VPS33A: variants seen among roughly 807,000 people sequenced by gnomAD.
VPS33A encodes the protein VPS33A core subunit of CORVET and HOPS complexes, also known as vacuolar protein sorting-associated protein 33A.
VPS33A carries 32 observed loss-of-function variants against 71.8 expected under a neutral mutation model. The ratio of observed to expected loss-of-function variants is 0.45; its 90% CI spans 0.34 to 0.60. VPS33A has a LOEUF of 0.60. Ranked by LOEUF, VPS33A falls within the 20% of genes least tolerant of loss-of-function variation. The probability of loss-of-function intolerance (pLI) is 0.02; values close to 1 mark genes in which losing one functional copy is unlikely to be tolerated. For missense variants in VPS33A, 625 were observed against 748.5 expected (o/e 0.84, Z 1.92); for synonymous variants, 311 against 292.7 (o/e 1.06, Z -0.64).
At position 122,231,915 on chromosome 12, in the gene VPS33A, G is replaced by C; in HGVS notation, c.*331C>G. 1 of 386,380 alleles carries C rather than the reference G, an allele frequency of 2.6e-6. No individual in the cohort carries two copies. 23.9% of individuals were successfully genotyped at this position (386,380 alleles called of 1,614,324 possible). A position where few individuals can be genotyped will look rare whatever the true frequency, so the allele number is the denominator to read the frequency against. On this transcript the variant is annotated 3_prime_UTR_variant, in exon 13 of 13. Transcript: ENST00000267199. ...CTACTAAAAATACAAAAATTAGCCG[G>C]GTGTGGTGGTGCATGCCTGTAGTCC... is the stretch of plus-strand genomic sequence containing the variant.
intron 5 of VPS33A, 98 bp from the exon 6 acceptor site, chr12:122,250,143 GA>G: frequency 1.6e-6 from 2 of 1,286,422 alleles, no homozygotes; most frequent in African/African-American, 1.5e-5. Context: ...AGTAAAAAAG[GA>G]GAAAAACTGG....
At chr12:122,238,838 T>C in intron 9 of VPS33A, 114 bp from the exon 10 acceptor site, 1 of 1,156,114 alleles carries the variant, frequency 8.6e-7, no homozygotes, top group Non-Finnish European at 1.2e-6. Flanking sequence ...ACTTGATGTT[T>C]ATTATTATTT....
At chr12:122,241,192 G>A (rs1009127935) in intron 8 of VPS33A, 1 of 151,090 alleles carries the variant, frequency 6.6e-6, no homozygotes, top group Admixed American at 6.6e-5. Context: ...CTCAGATTAT[G>A]ATGGCAAACT....
At chr12:122,262,126 G>C (rs749139303) in intron 3 of VPS33A, among the ~76,000 whole-genome samples, 4 of 152,186 alleles carry the variant, frequency 2.6e-5, no homozygotes, top group Non-Finnish European at 4.4e-5. Flanking sequence ...TGGAGGCAGA[G>C]GTTGCAGTGA....
chr12:122,235,330 T>C (rs1954615525), intron 11 of VPS33A, among the ~76,000 whole-genome samples: 2 of 150,384 alleles, frequency 1.3e-5, no homozygotes, highest in Admixed American at 1.3e-4. Flanking sequence ...AATGGCATGA[T>C]CTGAGCTCAC....
chr12:122,243,914 G>A (rs1443196841), intron 7 of VPS33A, among the ~76,000 whole-genome samples: 1 of 151,834 alleles, frequency 6.6e-6, no homozygotes, highest in Non-Finnish European at 1.5e-5. Flanking sequence ...GCGAGACCCT[G>A]TCAAAAAAAA....
At position 122,251,009 on chromosome 12, in the gene VPS33A, T is replaced by C. The variant is rs1003228961; in HGVS notation, c.574A>G (p.Ile192Val). The C allele has an allele frequency of 6.2e-7, 1 of 1,614,076 alleles. No individual in the cohort carries two copies. Among genetic ancestry groups the C allele is most frequent in the Non-Finnish European group, 8.5e-7 (1 of 1,179,952 alleles). Residue 192 changes from isoleucine (I) to valine (V), a missense_variant, in exon 5 of 13, where the codon ATC (isoleucine) becomes GTC (valine). Coordinates refer to ENST00000267199, the MANE Select transcript of VPS33A (RefSeq NM_022916.6). ...LQALYGTIPQ[I>V]FGKGECARQV... ...CGAGCGCATTCTCCTTTCCCAAAGATCTGGGGGATCGTTCCATACAGAGCT... is the reference window on the plus strand; with the variant it reads ...CGAGCGCATTCTCCTTTCCCAAAGACCTGGGGGATCGTTCCATACAGAGCT...
intron 4 of VPS33A, among the ~76,000 whole-genome samples, chr12:122,257,641 C>T (rs1178738359): frequency 4.0e-5 from 6 of 151,758 alleles, no homozygotes; most frequent in Non-Finnish European, 1.5e-5. Context: ...CCAGTGCACT[C>T]CAGCCTGGGT....
At chr12:122,265,859 A>G (rs926737098) in intron 1 of VPS33A, 15 of 370,604 alleles carry the variant, frequency 4.0e-5, no homozygotes, top group South Asian at 2.4e-4. Flanking sequence ...TAAAAGCCCA[A>G]ATGATTACAA....
chr12:122,243,601 T>G (rs1954741906), intron 7 of VPS33A, among the ~76,000 whole-genome samples: 1 of 152,208 alleles, frequency 6.6e-6, no homozygotes, highest in Admixed American at 6.5e-5. Context: ...TGATAATATT[T>G]TTTGGCAAAA....
chr12:122,241,988 AC>A (rs1292561320), intron 8 of VPS33A, among the ~76,000 whole-genome samples: 14 of 151,860 alleles, frequency 9.2e-5, no homozygotes, highest in African/African-American at 3.4e-4. Context: ...GCTCACTGCA[AC>A]CTCCGCCTTC....
chr12:122,240,668 A>G (rs1403134393), intron 8 of VPS33A, among the ~76,000 whole-genome samples: 2 of 152,234 alleles, frequency 1.3e-5, no homozygotes, highest in Admixed American at 1.3e-4. Flanking sequence ...ATACTTCATA[A>G]AACAATCTCC....
In VPS33A at chr12:122,232,242, C is replaced by T. The variant is rs1055115830; in HGVS notation, c.*4G>A. On this transcript the variant is annotated 3_prime_UTR_variant, in exon 13 of 13. Coordinates refer to ENST00000267199, the MANE Select transcript of VPS33A (RefSeq NM_022916.6). ...GTACACTTGTTAAGTCTCCTCTGAA[C>T]ATCCTAGAAAGGTTTTTCCATCAGA... The T allele has an allele frequency of 5.6e-6, 9 of 1,608,092 alleles. No homozygotes were observed. The Admixed American group carries it at 6.8e-5, about 12-fold the overall frequency.
chr12:122,233,944 C>T (rs1056128811), intron 11 of VPS33A, among the ~76,000 whole-genome samples: 6 of 151,930 alleles, frequency 3.9e-5, no homozygotes, highest in East Asian at 1.9e-4. Flanking sequence ...ATTTTCCCAC[C>T]GGGAAAAAAT....
chr12:122,242,823 G>C (rs1954733134), intron 7 of VPS33A, among the ~76,000 whole-genome samples: 2 of 152,184 alleles, frequency 1.3e-5, no homozygotes, highest in South Asian at 2.1e-4. Flanking sequence ...CAAAGTGTTA[G>C]GATTACAGGC....
Position 122,244,579 on chromosome 12 carries a change from G to A in VPS33A, c.959C>T (p.Ala320Val). The change falls in exon 7 of 13, where the codon GCA (alanine) becomes GTA (valine). Residue 320 changes from alanine (A) to valine (V), a missense_variant. Ala to Val is a moderately conservative substitution (Grantham distance 64, BLOSUM62 0). Coordinates refer to ENST00000267199, the MANE Select transcript of VPS33A (RefSeq NM_022916.6). ...CAAAACTTGCCTCACCTCGAATGCT[G>A]CAGAGATGATCTTTGCTTTCTTGCT... is the stretch of plus-strand genomic sequence containing the variant. ...VLSKKAKIIS[A>V]AFEERHNAKT... 1.2e-6 allele frequency: 2 copies of A among 1,605,424 alleles called. No individual in the cohort carries two copies. Among genetic ancestry groups the A allele is most frequent in the Non-Finnish European group, 1.7e-6 (2 of 1,172,816 alleles).
chr12:122,236,544 G>T (rs964285230), intron 10 of VPS33A, among the ~76,000 whole-genome samples: 1 of 152,184 alleles, frequency 6.6e-6, no homozygotes, highest in African/African-American at 2.4e-5. Context: ...GGAGGCTGAG[G>T]CAGGAGAATC....
At chr12:122,259,187 G>GTCTA (rs1555250059) in intron 4 of VPS33A, among the ~76,000 whole-genome samples, 1 of 144,646 alleles carries the variant, frequency 6.9e-6, no homozygotes, top group Admixed American at 7.1e-5. Context: ...GTATGTATGT[G>GTCTA]TGTATGTATG....
chr12:122,245,790 G>A (rs779577748), intron 6 of VPS33A, among the ~76,000 whole-genome samples: 2 of 152,168 alleles, frequency 1.3e-5, no homozygotes, highest in Non-Finnish European at 2.9e-5. Flanking sequence ...CATGGCCACA[G>A]CTATTCTTTT....
Sources: allele counts gnomAD v4.1 joint callset (sites outside exome capture counted in the v4.1 genomes callset), GRCh38; gene constraint gnomAD v4.1.1; transcripts MANE v1.5; gene names NCBI Gene and HGNC (gene_info 2026-07-23, HGNC 2026-07-21).